The following HTT variants were observed in gnomAD, a reference collection of about 807,000 sequenced individuals.
HTT encodes huntingtin.
HTT carries 104 observed loss-of-function variants against 362.3 expected under a neutral mutation model. The observed-to-expected ratio is 0.29, with a 90% confidence interval of 0.24 to 0.34. The LOEUF (loss-of-function observed/expected upper bound fraction) is 0.34, where lower values mean the gene tolerates loss of function less well. HTT is among the 10% of genes least tolerant of loss of function. The pLI is 1.00. For synonymous variants in HTT, 1,577 were observed against 1,548.7 expected, an observed-to-expected ratio of 1.02 and a Z score of -0.43; for missense variants, 3,301 against 3,928.6, an observed-to-expected ratio of 0.84 and a Z score of 4.27.
intron 45 of HTT, among the ~76,000 whole-genome samples, 195 bp downstream of exon 45, chr4:3,207,552 G>A (rs895391657): frequency 8.5e-5 from 13 of 152,198 alleles, no homozygotes; most frequent in African/African-American, 2.7e-4. Context: ...AAGGATGACC[G>A]GCAGGATCAC....
intron 6 of HTT, among the ~76,000 whole-genome samples, chr4:3,112,785 T>G (rs1714823941): frequency 6.6e-6 from 1 of 152,164 alleles, no homozygotes; most frequent in African/African-American, 2.4e-5. Flanking sequence ...TGTTGGGTGA[T>G]AGGGTGTGTG....
intron 21 of HTT, among the ~76,000 whole-genome samples, chr4:3,138,147 T>C (rs956704813): frequency 6.8e-6 from 1 of 146,374 alleles, no homozygotes; most frequent in Admixed American, 6.7e-5. Context: ...CCTCTCCCTT[T>C]CCCTTTCCCT....
At chr4:3,099,109 A>G (rs945763950) in intron 2 of HTT, among the ~76,000 whole-genome samples, 165 bp from the exon 3 acceptor site, 2 of 152,194 alleles carry the variant, frequency 1.3e-5, no homozygotes, top group Admixed American at 6.6e-5. Context: ...ATCAATATTG[A>G]TATGCTATTA....
intron 39 of HTT, 121 bp downstream of exon 39, chr4:3,188,007 G>A (rs1289508443): frequency 7.9e-6 from 5 of 633,478 alleles, no homozygotes; most frequent in African/African-American, 1.8e-5. Context: ...GGGTAAAGAA[G>A]TCTGTATCAG....
chr4:3,151,915 C>T (rs936812919), intron 26 of HTT, among the ~76,000 whole-genome samples: 1 of 152,078 alleles, frequency 6.6e-6, no homozygotes, highest in Non-Finnish European at 1.5e-5. Flanking sequence ...TTGGAAACAG[C>T]ATTTTTTAAA....
At chr4:3,091,766 C>G (rs556163493) in intron 2 of HTT, among the ~76,000 whole-genome samples, 71 of 152,182 alleles carry the variant, frequency 4.7e-4, no homozygotes, top group African/African-American at 1.7e-3. Flanking sequence ...AAATAAGAAC[C>G]TTTTTTACCT....
chr4:3,202,799 G>T (rs930729508), intron 41 of HTT, among the ~76,000 whole-genome samples: 1 of 152,096 alleles, frequency 6.6e-6, no homozygotes. Flanking sequence ...ATGACTTGAG[G>T]CTGGGAGTTC....
chr4:3,235,530 G>A (rs769490443), intron 62 of HTT, 35 bp from the exon 63 acceptor site: 28 of 1,596,842 alleles, frequency 1.8e-5, no homozygotes, highest in African/African-American at 1.2e-4. Context: ...ACTGTGCAGC[G>A]ATTCTTTGAC....
intron 29 of HTT, among the ~76,000 whole-genome samples, chr4:3,167,380 G>C (rs1030831934): frequency 6.6e-6 from 1 of 152,136 alleles, no homozygotes; most frequent in Non-Finnish European, 1.5e-5. Flanking sequence ...CATATTTTCA[G>C]ATCTCCCTCT....
At position 3,215,182 on chromosome 4, in the gene HTT, A is replaced by T. The variant is rs1473509244; in HGVS notation, c.7025A>T (p.Glu2342Val). Residue 2342 changes from glutamate to valine, a missense_variant, in exon 51 of 67, where the codon GAG (glutamate) becomes GTG (valine). Physicochemically the swap from Glu to Val is moderately radical, Grantham distance 121. This residue lies in a region of HTT where 220 missense variants were observed against 218.5 expected (regional missense o/e 1.01). Transcript: ENST00000355072. ...RTNTPKAISE[E>V]EEEVDPNTQN... ...AATACCCCAAAAGCCATCAGCGAGGAGGAGGAGGAAGTAGATCCAAACACA... is the reference window on the plus strand; with the variant it reads ...AATACCCCAAAAGCCATCAGCGAGGTGGAGGAGGAAGTAGATCCAAACACA... 1.9e-6 allele frequency: 3 copies of T among 1,614,032 alleles called. No homozygotes were observed. Among genetic ancestry groups the T allele is most frequent in the Admixed American group, 1.7e-5 (1 of 60,016 alleles).
chr4:3,164,348 ATG>A (rs1393032522), intron 29 of HTT, among the ~76,000 whole-genome samples: 2 of 152,160 alleles, frequency 1.3e-5, no homozygotes, highest in African/African-American at 2.4e-5. Flanking sequence ...ACTTCCAACT[ATG>A]TGGTCAGTTT....
At chr4:3,165,550 A>G (rs747569222) in intron 29 of HTT, among the ~76,000 whole-genome samples, 24 of 152,172 alleles carry the variant, frequency 1.6e-4, no homozygotes, top group Non-Finnish European at 2.8e-4. Context: ...AGGTACACCA[A>G]TCAAACGTAG....
intron 35 of HTT, among the ~76,000 whole-genome samples, chr4:3,179,297 A>C (rs1718385249): frequency 6.6e-6 from 1 of 152,174 alleles, no homozygotes; most frequent in Non-Finnish European, 1.5e-5. Flanking sequence ...CACACAGCCA[A>C]AGTATAGATT....
At position 3,236,460 on chromosome 4, in the gene HTT, G is replaced by A. The variant is rs362311; in HGVS notation, c.8891+206G>A. On this transcript the variant is annotated intron_variant, in intron 64 of 66. Transcript: ENST00000355072. ...TTGGACCCCAGCACTCAGGTGTAGC[G>A]TTGACCAGTTCCAAGGTTGTCCCAG... Among the ~76,000 whole-genome samples the A allele has an allele frequency of 2.1e-3, 317 of 152,290 alleles. 2 individuals carry two copies. Among genetic ancestry groups the A allele is most frequent in the African/African-American group, 6.5e-3 (270 of 41,562 alleles).
At chr4:3,202,862 A>G (rs1388610277) in intron 41 of HTT, 1 of 152,226 alleles carries the variant, frequency 6.6e-6, no homozygotes, top group Non-Finnish European at 1.5e-5. Context: ...AAAAAAATTT[A>G]AAAATTACAA....
At chr4:3,130,173 A>G (rs1429624212) in intron 13 of HTT, 126 bp downstream of exon 13, 3 of 1,124,928 alleles carry the variant, frequency 2.7e-6, no homozygotes, top group Non-Finnish European at 3.8e-6. Context: ...AGCTGATGAA[A>G]ATGACCAATT....
rs1243165615 is a variant in HTT, at chr4:3,240,581, G to A, written c.*522G>A. On this transcript the variant is annotated 3_prime_UTR_variant, in exon 67 of 67. Coordinates refer to ENST00000355072, the MANE Select transcript of HTT (RefSeq NM_001388492.1). ...CAGTGGCTGGGGGTGCTAGACACCC[G>A]GCACCATTCTCCCTTCTCTCTTTTC... 5.0e-5 allele frequency: 8 copies of A among 159,160 alleles called. No individual in the cohort carries two copies. The highest frequency in any genetic ancestry group is 1.9e-4 in the East Asian group (1 of 5,306). 9.9% of individuals were successfully genotyped at this position (159,160 alleles called of 1,614,324 possible). A position where few individuals can be genotyped will look rare whatever the true frequency, so the allele number is the denominator to read the frequency against.
chr4:3,157,117 C>A lies in HTT; in HGVS notation c.3671C>A (p.Ser1224Tyr). 1 of 1,612,612 alleles carries A rather than the reference C, an allele frequency of 6.2e-7. No homozygotes were observed. Among genetic ancestry groups the A allele is most frequent in the South Asian group, 1.1e-5 (1 of 91,014 alleles). ...DTSGPVTTSK[S>Y]SSLGSFYHLP... is the part of the protein sequence containing the mutation. ...TCAGGTCCTGTTACAACAAGTAAATCCTCATCACTGGGGAGTTTCTATCAT... is the reference window on the plus strand; with the variant it reads ...TCAGGTCCTGTTACAACAAGTAAATACTCATCACTGGGGAGTTTCTATCAT... The change falls in exon 28 of 67, where the codon TCC becomes TAC. Residue 1224 changes from serine to tyrosine, a missense_variant. This residue lies in a region of HTT where 2,316 missense variants were observed against 2,658.5 expected (regional missense o/e 0.87). Transcript: ENST00000355072.
Position 3,228,888 on chromosome 4 carries a change from G to A in HTT, c.7988G>A (p.Arg2663Gln), listed in dbSNP as rs377091390. The A allele has an allele frequency of 6.2e-6, 10 of 1,612,896 alleles. No individual in the cohort carries two copies. The highest frequency in any genetic ancestry group is 2.2e-5 in the South Asian group (2 of 91,050). The change falls in exon 59 of 67, where the codon CGG (arginine) becomes CAG (glutamine). Residue 2663 changes from arginine (R) to glutamine (Q), a missense_variant. Physicochemically the swap from Arg to Gln is conservative, Grantham distance 43. Coordinates refer to ENST00000355072, the MANE Select transcript of HTT (RefSeq NM_001388492.1). This position sits in a 1 kb window ranked among gnomAD's most constrained non-coding sequence, Gnocchi z 4.3. ...PTSPVNSRKHRAGVDIHSCSQ... is the reference protein window; with the variant it reads ...PTSPVNSRKHQAGVDIHSCSQ... ...TCTCGCATATTCCACAGGAAACACCGGGCTGGAGTTGACATCCACTCCTGT... is the reference window on the plus strand; with the variant it reads ...TCTCGCATATTCCACAGGAAACACCAGGCTGGAGTTGACATCCACTCCTGT...
Sources: gnomAD v4.1 joint callset for allele counts (sites outside exome capture counted in the v4.1 genomes callset) on GRCh38, gnomAD v4.1.1 for gene constraint, gnomAD v4.1.1 regional missense constraint, Gnocchi (gnomAD v3.1) non-coding constraint, MANE v1.5 for transcripts, NCBI Gene and HGNC (gene_info 2026-07-23, HGNC 2026-07-21) for gene names.